Variants in EYS observed in about 807,000 individuals in gnomAD.
EYS encodes the protein protein eyes shut homolog.
EYS carries 250 observed loss-of-function variants against 282.1 expected under a neutral mutation model. That is an observed-to-expected ratio of 0.89 (90% CI 0.80 to 0.98). The LOEUF (loss-of-function observed/expected upper bound fraction) is 0.98. EYS is among the 50% of genes least tolerant of loss of function. The probability of loss-of-function intolerance (pLI) is 0.00; values close to 1 mark genes in which losing one functional copy is unlikely to be tolerated. For synonymous variants in EYS, 1,355 were observed against 1,282.9 expected (o/e 1.06, Z -1.20); for missense variants, 4,016 against 3,709.0 (o/e 1.08, Z -2.15).
chr6:64,563,208 T>C (rs541693295), intron 26 of EYS, among the ~76,000 whole-genome samples: 2 of 152,154 alleles, frequency 1.3e-5, no homozygotes, highest in Non-Finnish European at 2.9e-5. Flanking sequence ...TTCTGGGTTA[T>C]TACTGGAACA....
chr6:64,233,141 C>A (rs926284361), intron 30 of EYS, among the ~76,000 whole-genome samples: 1 of 152,052 alleles, frequency 6.6e-6, no homozygotes, highest in African/African-American at 2.4e-5. Flanking sequence ...GAGCCTATGT[C>A]TCACCTGAAA....
At chr6:65,097,258 G>A (rs1053924238) in intron 12 of EYS, among the ~76,000 whole-genome samples, 4 of 150,646 alleles carry the variant, frequency 2.7e-5, no homozygotes, top group African/African-American at 7.3e-5. Context: ...TCAACCTCAC[G>A]AATCATCAGG....
intron 35 of EYS, among the ~76,000 whole-genome samples, chr6:63,880,228 C>T (rs770240888): frequency 2.6e-5 from 4 of 152,080 alleles, no homozygotes; most frequent in Non-Finnish European, 5.9e-5. Flanking sequence ...CTGGTGGGCA[C>T]CATCTAATCA....
At chr6:65,012,598 G>C (rs1046256082) in intron 13 of EYS, among the ~76,000 whole-genome samples, 2 of 152,042 alleles carry the variant, frequency 1.3e-5, no homozygotes, top group African/African-American at 2.4e-5. Flanking sequence ...AAGTACTATA[G>C]TTGTTTGAGA....
intron 28 of EYS, among the ~76,000 whole-genome samples, chr6:64,430,916 T>C (rs556710246): frequency 1.3e-5 from 2 of 152,222 alleles, no homozygotes; most frequent in South Asian, 2.1e-4. Context: ...GTTAAATAAA[T>C]GAACTTTTCA....
At chr6:65,705,787 T>C (rs902346905) in intron 1 of EYS, among the ~76,000 whole-genome samples, 1 of 152,152 alleles carries the variant, frequency 6.6e-6, no homozygotes, top group African/African-American at 2.4e-5. Flanking sequence ...GCAAACATTT[T>C]TGTTTAAAAG....
rs1162012048 is a variant in EYS at position 64,626,192 on chromosome 6, G to A, written c.3497C>T (p.Ser1166Phe). The change falls in exon 23 of 43, where the codon TCT becomes TTT. Residue 1166 changes from serine (S) to phenylalanine (F), a missense_variant. Transcript: ENST00000503581. ...TGCACCATGTAGACATGGTGATGAA[G>A]AGCATTCATTTATATTAATTTCACA... ...QFCEININEC[S>F]SSPCLHGADC... 1 of 1,539,786 alleles carries A rather than the reference G, an allele frequency of 6.5e-7. No individual in the cohort carries two copies. The highest frequency in any genetic ancestry group is 8.7e-7 in the Non-Finnish European group (1 of 1,143,862).
chr6:64,787,562 C>A (rs774887612), intron 22 of EYS, among the ~76,000 whole-genome samples: 9 of 151,298 alleles, frequency 5.9e-5, no homozygotes, highest in Admixed American at 1.3e-4. Context: ...CTTTGTTGAG[C>A]CCTTCACAAT....
chr6:65,332,897 A>G (rs952815010), intron 11 of EYS, among the ~76,000 whole-genome samples: 2 of 151,214 alleles, frequency 1.3e-5, no homozygotes, highest in African/African-American at 2.4e-5. Context: ...ATCGAAGTTA[A>G]CTAATTTTTT....
intron 7 of EYS, among the ~76,000 whole-genome samples, chr6:65,390,136 G>C (rs1765961277): frequency 6.6e-6 from 1 of 151,850 alleles, no homozygotes; most frequent in Admixed American, 6.6e-5. Context: ...TATAGGATAA[G>C]ACCATGGGAG....
chr6:64,124,601 T>C (rs77938410), intron 31 of EYS, among the ~76,000 whole-genome samples: 7,364 of 152,256 alleles, frequency 0.048, 539 homozygotes, highest in African/African-American at 0.16. Flanking sequence ...GAAAATATTC[T>C]AGGCTCCCCC....
intron 30 of EYS, among the ~76,000 whole-genome samples, chr6:64,242,147 T>G (rs1766855483): frequency 6.6e-6 from 1 of 152,148 alleles, no homozygotes; most frequent in African/African-American, 2.4e-5. Flanking sequence ...TCTGTTGACT[T>G]GGAGTGGAGA....
Position 63,720,270 on chromosome 6 carries a change from AT to A in EYS, c.*325del. ...TTCAGCTTACACATTGATTTTTAAA[AT>A]TGTGTTTACACGTTGATTTTAAAAT... On this transcript the variant is annotated 3_prime_UTR_variant, in exon 43 of 43. Coordinates refer to ENST00000503581, the MANE Select transcript of EYS (RefSeq NM_001142800.2). The A allele has an allele frequency of 2.9e-6, 1 of 349,412 alleles. No homozygotes were observed. Among genetic ancestry groups the A allele is most frequent in the African/African-American group, 2.1e-5 (1 of 47,754 alleles). The allele number at this position is 349,412 out of a possible 1,614,324, so 21.6% of individuals were successfully genotyped here.
chr6:64,094,063 AT>A (rs1168720202), intron 31 of EYS, among the ~76,000 whole-genome samples: 3 of 152,020 alleles, frequency 2.0e-5, no homozygotes, highest in Non-Finnish European at 4.4e-5. Context: ...ACATTTATTG[AT>A]TTGCGTATGT....
intron 22 of EYS, among the ~76,000 whole-genome samples, chr6:64,741,170 T>C (rs1163474905): frequency 6.6e-6 from 1 of 152,160 alleles, no homozygotes; most frequent in Non-Finnish European, 1.5e-5. Flanking sequence ...AATTACTCCT[T>C]GATCCATGGG....
chr6:65,503,122 T>A (rs952078920), intron 2 of EYS, among the ~76,000 whole-genome samples: 1 of 151,712 alleles, frequency 6.6e-6, no homozygotes, highest in African/African-American at 2.4e-5. Context: ...TTACTTTGCA[T>A]CTTTGCCAGC....
intron 12 of EYS, among the ~76,000 whole-genome samples, chr6:65,120,041 A>G (rs185849980): frequency 0.015 from 2,244 of 150,720 alleles, 28 homozygotes; most frequent in Non-Finnish European, 0.022. Flanking sequence ...AGTCCCAGCT[A>G]CTCAGGAGGC....
intron 30 of EYS, among the ~76,000 whole-genome samples, chr6:64,274,481 G>GTTTTTTTTTTTTTTTTTTTTTTT (rs10640761): frequency 1.1e-5 from 1 of 92,228 alleles, no homozygotes; most frequent in African/African-American, 4.7e-5. Flanking sequence ...ACGCCTGGCC[G>GTTTTTTTTTTTTTTTTTTTTTTT]TTTTTTTTTT....
At chr6:65,669,296 G>T (rs890732549) in intron 1 of EYS, among the ~76,000 whole-genome samples, 1 of 151,822 alleles carries the variant, frequency 6.6e-6, no homozygotes, top group Non-Finnish European at 1.5e-5. Context: ...ATGCTAAAAG[G>T]AATCTGACTT....
Sources: allele counts gnomAD v4.1 joint callset (sites outside exome capture counted in the v4.1 genomes callset), GRCh38; gene constraint gnomAD v4.1.1; transcripts MANE v1.5; gene names NCBI Gene and HGNC (gene_info 2026-07-23, HGNC 2026-07-21).